COMMD5: variants seen among roughly 807,000 people sequenced by gnomAD.
COMMD5 encodes the protein COMM domain-containing protein 5.
Under a neutral mutation model 6.9 loss-of-function variants are expected in COMMD5, and 10 were observed. That is an observed-to-expected ratio of 1.44 (90% confidence interval 0.89 to 2.45). The LOEUF (loss-of-function observed/expected upper bound fraction) is 2.45, where lower values mean the gene tolerates loss of function less well. COMMD5 is among the 30% of genes most tolerant of loss of function. The probability of loss-of-function intolerance (pLI) is 0.00; values close to 1 mark genes in which losing one functional copy is unlikely to be tolerated. For missense variants in COMMD5, 234 were observed against 287.8 expected (o/e 0.81, Z 1.35); for synonymous variants, 127 against 125.3 (o/e 1.01, Z -0.09).
downstream of COMMD5, among the ~76,000 whole-genome samples, chr8:144,839,779 G>A (rs1286137344): frequency 6.6e-6 from 1 of 152,174 alleles, no homozygotes; most frequent in Non-Finnish European, 1.5e-5. Context: ...GTCAGCATCA[G>A]ATACTGAAAG....
rs2130774742 is a variant in COMMD5 at position 144,850,412 on chromosome 8, G to A, written c.*252C>T. On this transcript the variant is annotated 3_prime_UTR_variant, in exon 2 of 2. Coordinates refer to ENST00000305103, the MANE Select transcript of COMMD5 (RefSeq NM_014066.4). The surrounding 1 kb of genome is among the most constrained non-coding windows in gnomAD (Gnocchi z 4.0). The stretch of plus-strand genomic sequence containing the variant: ...GTCCAGCACCAAAGACAAATGTACA[G>A]GGAAGGGGAGGGTGTGAGGTCCAAC... 1 of 467,990 alleles carries A rather than the reference G, an allele frequency of 2.1e-6. No individual in the cohort carries two copies. The highest frequency in any genetic ancestry group is 1.9e-5 in the African/African-American group (1 of 51,782). The allele number at this position is 467,990 out of a possible 1,614,324, so 29.0% of individuals were successfully genotyped here.
At chr8:144,841,606 G>A (rs373655484) in exon 2 of COMMD5, 377 of 1,614,058 alleles carry the variant, frequency 2.3e-4, no homozygotes, top group Non-Finnish European at 3.1e-4. Flanking sequence ...CACCAAGGAC[G>A]CACCCCAGGG....
intron 1 of COMMD5, among the ~76,000 whole-genome samples, chr8:144,844,709 CAAAAAAA>C (rs71320849): frequency 8.6e-4 from 76 of 88,614 alleles, no homozygotes; most frequent in African/African-American, 1.5e-3. Flanking sequence ...GACTCTGTAT[CAAAAAAA>C]AAAAAAAAAA....
At position 144,851,233 on chromosome 8, in the gene COMMD5, T is replaced by C; in HGVS notation, c.106A>G (p.Met36Val). 6.2e-7 allele frequency: 1 copy of C among 1,614,020 alleles called. No homozygotes were observed. Among genetic ancestry groups the C allele is most frequent in the Non-Finnish European group, 8.5e-7 (1 of 1,180,014 alleles). The change falls in exon 2 of 2, where the codon ATG becomes GTG. Residue 36 changes from methionine (M) to valine (V), a missense_variant. Coordinates refer to ENST00000305103, the MANE Select transcript of COMMD5 (RefSeq NM_014066.4). ...GAQLPPEVAA[M>V]ARLLGDLDRS... is the part of the protein sequence containing the mutation. ...TCTAGGTCCCCTAGTAGCCGGGCCA[T>C]TGCTGCCACCTCTGGAGGAAGCTGG...
At chr8:144,843,063 C>G (rs767890130) in intron 1 of COMMD5, 2 of 1,613,904 alleles carry the variant, frequency 1.2e-6, no homozygotes, top group Admixed American at 3.3e-5. Flanking sequence ...TAATTATACA[C>G]CAGAGAATTC....
chr8:144,838,861 GAGCCCAGGAGGCAGAGCTTGCAGT>G (rs1829432435), downstream of COMMD5: 1 of 36,754 alleles, frequency 2.7e-5, no homozygotes, highest in Non-Finnish European at 1.0e-4. Flanking sequence ...AGAATGGTGT[GAGCCCAGGAGGCAGAGCTTGCAGT>G]GAGCCGAGAT....
At position 144,850,984 on chromosome 8, in the gene COMMD5, G is replaced by A. The variant is rs767420974; in HGVS notation, c.355C>T (p.Pro119Ser). The change falls in exon 2 of 2, where the codon CCC becomes TCC. Residue 119 changes from proline to serine, a missense_variant. Pro to Ser is a moderately conservative substitution (Grantham distance 74). Transcript: ENST00000305103. The surrounding 1 kb of genome is among the most constrained non-coding windows in gnomAD (Gnocchi z 4.0). ...FRDQLQELCI[P>S]QDLVGDLASV... ...GCCAAGTCCCCGACCAGGTCTTGGG[G>A]GATGCAGAGCTCCTGGAGCTGGTCC... The A allele has an allele frequency of 6.2e-7, 1 of 1,612,188 alleles. No homozygotes were observed. Among genetic ancestry groups the A allele is most frequent in the South Asian group, 1.1e-5 (1 of 90,964 alleles).
At chr8:144,849,391 C>A (rs1288102953), downstream of COMMD5, among the ~76,000 whole-genome samples, 1 of 152,118 alleles carries the variant, frequency 6.6e-6, no homozygotes, top group African/African-American at 2.4e-5. Context: ...ACTGACCCCA[C>A]CCCCAGGTAC....
intron 1 of COMMD5, among the ~76,000 whole-genome samples, chr8:144,844,363 CT>C (rs947620627): frequency 2.0e-5 from 3 of 151,954 alleles, no homozygotes; most frequent in African/African-American, 4.8e-5. Context: ...AGTTGCCCCA[CT>C]TTTTTTTGGT....
chr8:144,842,471 G>T (rs1830066792), intron 1 of COMMD5: 2 of 1,613,796 alleles, frequency 1.2e-6, no homozygotes, highest in Non-Finnish European at 1.7e-6. Context: ...TGTAGTTCAC[G>T]GCTTATTCGC....
At chr8:144,845,567 C>G (rs1830465694), downstream of COMMD5, among the ~76,000 whole-genome samples, 1 of 152,216 alleles carries the variant, frequency 6.6e-6, no homozygotes, top group African/African-American at 2.4e-5. Flanking sequence ...CCTAATCTAA[C>G]AGGCTGGGAC....
At chr8:144,842,573 G>A (rs746869135) in intron 1 of COMMD5, 30 of 1,614,018 alleles carry the variant, frequency 1.9e-5, no homozygotes, top group African/African-American at 5.3e-5. Flanking sequence ...CAGCATCAGC[G>A]AATCCACACT....
downstream of COMMD5, among the ~76,000 whole-genome samples, chr8:144,848,638 G>T (rs1830613839): frequency 6.6e-6 from 1 of 152,212 alleles, no homozygotes. Context: ...CTGGCCCTTT[G>T]TGGGAAGAGT....
In COMMD5 at chr8:144,850,686, C is replaced by A. The variant is rs553021481; in HGVS notation, c.653G>T (p.Cys218Phe). The A allele has an allele frequency of 4.3e-6, 7 of 1,613,774 alleles. No individual in the cohort carries two copies. In the South Asian group the frequency reaches 6.6e-5, roughly 15 times the overall value. ...LKEMADLEKRCERRLQD is the reference protein window; with the variant it reads ...LKEMADLEKRFERRLQD Reference sequence around the variant, plus strand: ...GGGTCAGTCCTGCAGTCTGCGCTCACACCTCTTCTCCAGATCTGCCATCTC... The same window carrying A: ...GGGTCAGTCCTGCAGTCTGCGCTCAAACCTCTTCTCCAGATCTGCCATCTC... The change falls in exon 2 of 2, where the codon TGT becomes TTT. Residue 218 changes from cysteine (C) to phenylalanine (F), a missense_variant. By Grantham distance (205) the Cys-to-Phe change is radical. Transcript: ENST00000305103. This position sits in a 1 kb window ranked among gnomAD's most constrained non-coding sequence, Gnocchi z 4.0.
downstream of COMMD5, among the ~76,000 whole-genome samples, chr8:144,840,269 A>T (rs1829706505): frequency 1.3e-5 from 2 of 152,220 alleles, no homozygotes; most frequent in African/African-American, 4.8e-5. Context: ...TCCCTGCTAC[A>T]CAATGAGGTT....
chr8:144,844,983 T>C (rs1830433226), intron 1 of COMMD5, among the ~76,000 whole-genome samples: 2 of 151,242 alleles, frequency 1.3e-5, no homozygotes, highest in Non-Finnish European at 2.9e-5. Context: ...GCAGTGGGGG[T>C]AGACCAGCAG....
chr8:144,843,610 A>T (rs1435318337), intron 1 of COMMD5: 1 of 125,792 alleles, frequency 7.9e-6, no homozygotes, highest in East Asian at 2.4e-4. Flanking sequence ...AAAAAAAAAA[A>T]TCCAACTTCA....
downstream of COMMD5, among the ~76,000 whole-genome samples, chr8:144,839,665 G>A (rs919908647): frequency 6.6e-6 from 1 of 152,210 alleles, no homozygotes; most frequent in African/African-American, 2.4e-5. Flanking sequence ...GAGAGTCCGG[G>A]GCAGGGATGT....
rs752645345 is a variant in COMMD5 at position 144,841,970 on chromosome 8, G to A, written c.*117-227C>T. On this transcript the variant is annotated intron_variant and NMD_transcript_variant, in intron 1 of 1. Coordinates refer to the COMMD5 transcript ENST00000530332. ...TGCACTGAGTGTGGAAAAGCCTTCC[G>A]CCTGAGCTCAAAACTTATTCAGCAT... 33 of 1,614,034 alleles carry A rather than the reference G, an allele frequency of 2.0e-5. No individual in the cohort carries two copies. In the East Asian group the frequency reaches 3.3e-4, roughly 16 times the overall value.
Sources: gnomAD v4.1 joint callset for allele counts (sites outside exome capture counted in the v4.1 genomes callset) on GRCh38, gnomAD v4.1.1 for gene constraint, Gnocchi (gnomAD v3.1) non-coding constraint, MANE v1.5 for transcripts, NCBI Gene and HGNC (gene_info 2026-07-23, HGNC 2026-07-21) for gene names.